The following POMT2 variants were observed in gnomAD, a reference collection of about 807,000 sequenced individuals.
POMT2 encodes the protein protein O-mannosyl-transferase 2.
Under a neutral mutation model 100.0 loss-of-function variants are expected in POMT2, and 75 were observed. The observed-to-expected ratio is 0.75, with a 90% CI of 0.62 to 0.91. The LOEUF is 0.91. Ranked by LOEUF, POMT2 falls within the 40% of genes least tolerant of loss-of-function variation. The pLI is 0.00. For synonymous variants in POMT2, 378 were observed against 374.1 expected (o/e 1.01, Z -0.12); for missense variants, 940 against 955.1 (o/e 0.98, Z 0.21).
chr14:77,320,627 C>T lies in POMT2; in HGVS notation c.55G>A (p.Gly19Ser), dbSNP rs1891853049. The T allele has an allele frequency of 6.3e-7, 1 of 1,591,630 alleles. No homozygotes were observed. Among genetic ancestry groups the T allele is most frequent in the East Asian group, 2.2e-5 (1 of 44,628 alleles). ...LAESELRPRR[G>S]RCGPQAARAA... Reference sequence around the variant, plus strand: ...CTAGCAGCCTGGGGGCCACAGCGGCCCCTCCGGGGACGCAGCTCGGACTCT... The same window carrying T: ...CTAGCAGCCTGGGGGCCACAGCGGCTCCTCCGGGGACGCAGCTCGGACTCT... The change falls in exon 1 of 21, where the codon GGC (glycine) becomes AGC (serine). Residue 19 changes from glycine to serine, a missense_variant. Coordinates refer to ENST00000261534, the MANE Select transcript of POMT2 (RefSeq NM_013382.7).
In POMT2 at chr14:77,320,544, A is replaced by C. The variant is rs1891844395; in HGVS notation, c.138T>G (p.Ala46=). The C allele has an allele frequency of 6.4e-7, 1 of 1,564,094 alleles. No individual in the cohort carries two copies. The change falls in exon 1 of 21, where the codon GCT becomes GCG. Residue 46 remains alanine, a synonymous_variant. Transcript: ENST00000261534. The part of the protein sequence containing the change: ...EAVARSPKRP[A]WGSRRFEAVG... The stretch of plus-strand genomic sequence containing the variant: ...CCGCCTCGAAGCGCCGTGAGCCCCA[A>C]GCAGGCCGTTTGGGGCTTCGCGCCA...
intron 14 of POMT2, chr14:77,284,336 G>C: frequency 4.6e-6 from 1 of 219,500 alleles, no homozygotes; most frequent in Non-Finnish European, 9.2e-6. Flanking sequence ...GTGGTTCCTG[G>C]CATACTTGAT....
rs1594787171 is a variant in POMT2 at position 77,288,794 on chromosome 14, T to C, written c.1221A>G (p.Arg407=). Residue 407 remains arginine, a synonymous_variant, in exon 11 of 21, where the codon AGA becomes AGG. Transcript: ENST00000261534. ...GTTCTAGTCGAATAATGTCTCCATG[T>C]CTTACAAACTCCACTGGGAAGGAAG... is the stretch of plus-strand genomic sequence containing the variant. ...LDPSFPVEFV[R]HGDIIRLEHK... 2 of 1,613,948 alleles carry C rather than the reference T, an allele frequency of 1.2e-6. No individual in the cohort carries two copies. Among genetic ancestry groups the C allele is most frequent in the Non-Finnish European group, 1.7e-6 (2 of 1,179,924 alleles).
At chr14:77,289,833 A>G (rs1890575863) in intron 10 of POMT2, among the ~76,000 whole-genome samples, 1 of 152,244 alleles carries the variant, frequency 6.6e-6, no homozygotes, top group African/African-American at 2.4e-5. Context: ...AGGAGCTGGC[A>G]GTAATCATAG....
chr14:77,290,412 G>A (rs1288449832), intron 10 of POMT2, among the ~76,000 whole-genome samples: 1 of 152,234 alleles, frequency 6.6e-6, no homozygotes, highest in Non-Finnish European at 1.5e-5. Context: ...GAAAGTGGTT[G>A]TATACGCCAC....
At chr14:77,293,053 T>C (rs974203916) in intron 9 of POMT2, among the ~76,000 whole-genome samples, 9 of 152,230 alleles carry the variant, frequency 5.9e-5, no homozygotes, top group Non-Finnish European at 1.0e-4. Context: ...TGGCTGCTTC[T>C]TTTGAGTGGT....
chr14:77,290,602 T>A (rs759141622), intron 10 of POMT2, among the ~76,000 whole-genome samples: 3 of 151,902 alleles, frequency 2.0e-5, no homozygotes, highest in African/African-American at 4.8e-5. Flanking sequence ...GGAAGGTGAG[T>A]GGAAGATGCC....
At chr14:77,316,073 G>A (rs745457638) in intron 1 of POMT2, among the ~76,000 whole-genome samples, 6 of 152,158 alleles carry the variant, frequency 3.9e-5, no homozygotes, top group Non-Finnish European at 8.8e-5. Flanking sequence ...CCATGCACCA[G>A]AATCACAGTG....
At chr14:77,286,477 G>C (rs916585274) in intron 12 of POMT2, among the ~76,000 whole-genome samples, 3 of 152,230 alleles carry the variant, frequency 2.0e-5, no homozygotes, top group African/African-American at 7.2e-5. Context: ...GATCCAAATA[G>C]TATTCATATT....
At chr14:77,311,072 G>A (rs758354457) in intron 2 of POMT2, among the ~76,000 whole-genome samples, 1 of 152,230 alleles carries the variant, frequency 6.6e-6, no homozygotes, top group Non-Finnish European at 1.5e-5. Context: ...AGCAGAAGTT[G>A]CAGTGAGCCA....
intron 20 of POMT2, among the ~76,000 whole-genome samples, chr14:77,278,008 G>A (rs545569385): frequency 1.4e-5 from 2 of 144,740 alleles, no homozygotes; most frequent in South Asian, 2.4e-4. Flanking sequence ...TCCCTCACCC[G>A]GAGAGCTGTT....
intron 9 of POMT2, among the ~76,000 whole-genome samples, chr14:77,291,851 G>A (rs997460959): frequency 5.3e-5 from 8 of 151,078 alleles, no homozygotes; most frequent in African/African-American, 1.9e-4. Flanking sequence ...TGGCCAACAC[G>A]GTGAAACCCC....
At chr14:77,282,521 T>A (rs146001649) in intron 15 of POMT2, among the ~76,000 whole-genome samples, 142 of 152,300 alleles carry the variant, frequency 9.3e-4, no homozygotes, top group Middle Eastern at 3.4e-3. Flanking sequence ...TGACTCTACT[T>A]CTTAGATAAT....
intron 8 of POMT2, among the ~76,000 whole-genome samples, chr14:77,298,415 C>T (rs1440455732): frequency 6.6e-6 from 1 of 152,208 alleles, no homozygotes; most frequent in Non-Finnish European, 1.5e-5. Flanking sequence ...GGTGCTGTCA[C>T]CATATTCTCT....
chr14:77,291,338 T>C lies in POMT2; in HGVS notation c.1159A>G (p.Ile387Val). Reference protein sequence around the residue: ...LHKDYNNLWIIKKHNTNSDPL... With the variant: ...LHKDYNNLWIVKKHNTNSDPL... ...CCTGAGTTTGTGTTATGTTTCTTGA[T>C]AATCCACAGGTTGTTGTAGTCCTTG... is the stretch of plus-strand genomic sequence containing the variant. Residue 387 changes from isoleucine (I) to valine (V), a missense_variant, in exon 10 of 21, where the codon ATC becomes GTC. Coordinates refer to ENST00000261534, the MANE Select transcript of POMT2 (RefSeq NM_013382.7). The C allele has an allele frequency of 1.3e-6, 2 of 1,573,850 alleles. No homozygotes were observed. The highest frequency in any genetic ancestry group is 1.7e-6 in the Non-Finnish European group (2 of 1,162,426).
At chr14:77,284,026 A>T in intron 14 of POMT2, 153 bp from the exon 15 acceptor site, 1 of 718,572 alleles carries the variant, frequency 1.4e-6, no homozygotes, top group Non-Finnish European at 2.5e-6. Flanking sequence ...CCAATTCTTG[A>T]TCATTTACTT....
Position 77,285,617 on chromosome 14 carries a change from A to G in POMT2, c.1348T>C (p.Ser450Pro). 1 of 1,613,028 alleles carries G rather than the reference A, an allele frequency of 6.2e-7. No individual in the cohort carries two copies. The highest frequency in any genetic ancestry group is 1.1e-5 in the South Asian group (1 of 91,058). ...ACCTCAATCCGCCAGAAATCATTTGAGTCCCCTGTTCCATTCTGCCATAAA... is the reference window on the plus strand; with the variant it reads ...ACCTCAATCCGCCAGAAATCATTTGGGTCCCCTGTTCCATTCTGCCATAAA... ...TGYGINGTGD[S>P]NDFWRIEVVN... The change falls in exon 13 of 21, where the codon TCA becomes CCA. Residue 450 changes from serine (S) to proline (P), a missense_variant. Coordinates refer to ENST00000261534, the MANE Select transcript of POMT2 (RefSeq NM_013382.7).
At chr14:77,280,552 C>G in intron 15 of POMT2, 89 bp from the exon 16 acceptor site, 1 of 1,598,666 alleles carries the variant, frequency 6.3e-7, no homozygotes, top group Non-Finnish European at 8.5e-7. Context: ...GATATAGGGC[C>G]AAGCGCCGAG....
chr14:77,280,053 T>G lies in POMT2; in HGVS notation c.1753A>C (p.Thr585Pro), dbSNP rs559776913. Residue 585 changes from threonine to proline, a missense_variant, in exon 17 of 21, where the codon ACA becomes CCA. Coordinates refer to ENST00000261534, the MANE Select transcript of POMT2 (RefSeq NM_013382.7). ...QGLRFSGVND[T>P]DFRVYLLGNP... ...CCAAGCAGATAGACTCGGAAATCTG[T>G]GTCATTGACCCCTGAGAAGCGTAGG... 1.2e-6 allele frequency: 2 copies of G among 1,613,834 alleles called. No individual in the cohort carries two copies. Among genetic ancestry groups the G allele is most frequent in the South Asian group, 2.2e-5 (2 of 91,074 alleles).
Sources: allele counts gnomAD v4.1 joint callset (sites outside exome capture counted in the v4.1 genomes callset), GRCh38; gene constraint gnomAD v4.1.1; transcripts MANE v1.5; gene names NCBI Gene and HGNC (gene_info 2026-07-23, HGNC 2026-07-21).